PSIP1: variants seen among roughly 807,000 people sequenced by gnomAD.
The protein encoded by PSIP1 is PC4 and SFRS1-interacting protein.
In PSIP1, 19 loss-of-function variants were observed where a neutral mutation model predicts 74.7. The ratio of observed to expected loss-of-function variants is 0.25; its 90% confidence interval spans 0.18 to 0.37. The LOEUF (loss-of-function observed/expected upper bound fraction) is 0.37. Ranked by LOEUF, PSIP1 falls within the 10% of genes least tolerant of loss-of-function variation. The pLI, the probability that PSIP1 is intolerant of heterozygous loss-of-function variation, is 1.00. For missense variants in PSIP1, 601 were observed against 614.3 expected (o/e 0.98, Z 0.23); for synonymous variants, 222 against 195.3 (o/e 1.14, Z -1.14).
At chr9:15,484,899 C>T (rs11792386) in intron 6 of PSIP1, among the ~76,000 whole-genome samples, 8,743 of 121,256 alleles carry the variant, frequency 0.072, 370 homozygotes, top group Middle Eastern at 0.13. Flanking sequence ...GATGACAGAG[C>T]GAGATCCGTC....
chr9:15,496,304 G>T (rs976718780), intron 3 of PSIP1, among the ~76,000 whole-genome samples: 2 of 152,168 alleles, frequency 1.3e-5, no homozygotes, highest in African/African-American at 2.4e-5. Context: ...GCTAAGGACT[G>T]CCTATATATA....
rs2035960023 is a variant in PSIP1, at chr9:15,473,930, AAAAAAAAC to A, written c.858+71_858+78del. Reference sequence around the variant, plus strand: ...AAAAAAAAAACAAAAAAAAAAACAAAAAAAAAACAAAGAAAAAACAAAAAATATATATA... The same window carrying A: ...AAAAAAAAAACAAAAAAAAAAACAAAAAAGAAAAAACAAAAAATATATATA... On this transcript the variant is annotated intron_variant, in intron 9 of 15. Coordinates refer to ENST00000380733, the MANE Select transcript of PSIP1 (RefSeq NM_033222.5). The A allele has an allele frequency of 3.1e-6, 3 of 956,546 alleles. 1 individual carries two copies. The highest frequency in any genetic ancestry group is 1.4e-6 in the Non-Finnish European group (1 of 721,476). 59.3% of individuals were successfully genotyped at this position (956,546 alleles called of 1,614,324 possible).
intron 2 of PSIP1, among the ~76,000 whole-genome samples, chr9:15,509,186 T>C (rs2037735810): frequency 6.6e-6 from 1 of 152,158 alleles, no homozygotes; most frequent in South Asian, 2.1e-4. Flanking sequence ...GACAGTAAAT[T>C]AGTCGAAAAT....
intron 9 of PSIP1, 94 bp downstream of exon 9, chr9:15,473,911 AAAAC>A (rs2035952747): frequency 2.3e-6 from 2 of 865,822 alleles, no homozygotes; most frequent in East Asian, 3.0e-5. Context: ...AAACAAAAAA[AAAAC>A]AAAAAAAAAA....
Position 15,464,965 on chromosome 9 carries a change from A to C in PSIP1, c.*555T>G. On this transcript the variant is annotated 3_prime_UTR_variant, in exon 16 of 16. Transcript: ENST00000380733. ...ATACAGAGCACACATTGTTCCAAAG[A>C]AGCTGGATAATGTAGCACAATGTAG... 4.6e-6 allele frequency: 1 copy of C among 217,214 alleles called. No individual in the cohort carries two copies. Among genetic ancestry groups the C allele is most frequent in the Non-Finnish European group, 9.3e-6 (1 of 107,720 alleles). The allele number at this position is 217,214 out of a possible 1,614,324, so 13.5% of individuals were successfully genotyped here.
intron 8 of PSIP1, among the ~76,000 whole-genome samples, chr9:15,476,168 C>T (rs1414615203): frequency 1.3e-5 from 2 of 152,268 alleles, no homozygotes; most frequent in East Asian, 3.9e-4. Flanking sequence ...TCACACTCAG[C>T]CTACGCACAG....
chr9:15,470,953 A>AC lies in PSIP1; in HGVS notation c.978-961_978-960insG, dbSNP rs1338010480. ...CTTGGTTAAAAAAAAAAAAAAAAAAAAAAAACAGGAATGATGGCCGACCTT... is the reference window on the plus strand; with the variant it reads ...CTTGGTTAAAAAAAAAAAAAAAAAAACAAAAACAGGAATGATGGCCGACCTT... On this transcript the variant is annotated intron_variant, in intron 10 of 15. Transcript: ENST00000380733. 3 of 1,153,090 alleles carry AC rather than the reference A, an allele frequency of 2.6e-6. No homozygotes were observed. The African/African-American group carries it at 4.8e-5, about 18-fold the overall frequency. 71.4% of individuals were successfully genotyped at this position (1,153,090 alleles called of 1,614,324 possible).
chr9:15,505,651 A>T (rs531682740), intron 3 of PSIP1: 2 of 147,110 alleles, frequency 1.4e-5, no homozygotes, highest in East Asian at 5.1e-4. Context: ...TATGATAGTC[A>T]ATATACTAAA....
chr9:15,475,668 T>C (rs1396640797), intron 8 of PSIP1, among the ~76,000 whole-genome samples: 3 of 152,154 alleles, frequency 2.0e-5, no homozygotes, highest in African/African-American at 7.2e-5. Flanking sequence ...TAGGGATTTA[T>C]TTTAAAAATT....
chr9:15,493,861 C>A (rs568696108), intron 3 of PSIP1, among the ~76,000 whole-genome samples: 6 of 152,230 alleles, frequency 3.9e-5, no homozygotes, highest in Admixed American at 3.3e-4. Context: ...TATTACAATT[C>A]GAGGTGTAAT....
intron 10 of PSIP1, chr9:15,471,613 A>G (rs1331360602): frequency 2.1e-6 from 2 of 950,428 alleles, no homozygotes; most frequent in Admixed American, 1.2e-4. Context: ...AAAGTCTAAC[A>G]TTAGAGGGAA....
rs543840478 is a variant in PSIP1, at chr9:15,468,331, C to T, written c.1420+299G>A. On this transcript the variant is annotated intron_variant, in intron 14 of 15. Transcript: ENST00000380733. ...CAGCTGAGCAACCAGGAAGTGGGTA[C>T]TCTAGGGATTAGGAGGCATTGTGAT... 6.7e-6 allele frequency: 4 copies of T among 596,746 alleles called. No individual in the cohort carries two copies. The African/African-American group carries it at 7.3e-5, about 11-fold the overall frequency. The allele number at this position is 596,746 out of a possible 1,614,324, so 37.0% of individuals were successfully genotyped here. A position where few individuals can be genotyped will look rare whatever the true frequency, so the allele number is the denominator to read the frequency against.
intron 3 of PSIP1, among the ~76,000 whole-genome samples, chr9:15,495,001 A>G (rs923665613): frequency 6.6e-6 from 1 of 152,206 alleles, no homozygotes; most frequent in African/African-American, 2.4e-5. Flanking sequence ...AAAACCAGAA[A>G]AACAACAGTA....
intron 3 of PSIP1, among the ~76,000 whole-genome samples, chr9:15,495,100 T>A (rs1359196513): frequency 4.6e-5 from 7 of 152,268 alleles, no homozygotes; most frequent in Admixed American, 1.3e-4. Context: ...AGAAGTTGAA[T>A]CTTAAGCACC....
Position 15,465,451 on chromosome 9 carries a change from C to A in PSIP1, c.*69G>T. ...TATGCTTATAAAAATTTAAAACTTT[C>A]AGCAGTCTATTTCAAATGAAAACCA... is the stretch of plus-strand genomic sequence containing the variant. On this transcript the variant is annotated 3_prime_UTR_variant, in exon 16 of 16. Transcript: ENST00000380733. 2 of 1,339,004 alleles carry A rather than the reference C, an allele frequency of 1.5e-6. No homozygotes were observed. The highest frequency in any genetic ancestry group is 1.0e-6 in the Non-Finnish European group (1 of 961,124). 82.9% of individuals were successfully genotyped at this position (1,339,004 alleles called of 1,614,324 possible).
chr9:15,499,193 C>T (rs985456617), intron 3 of PSIP1, among the ~76,000 whole-genome samples: 3 of 152,122 alleles, frequency 2.0e-5, no homozygotes, highest in Non-Finnish European at 2.9e-5. Flanking sequence ...TTTGGACTTT[C>T]CTTTAACCAT....
intron 3 of PSIP1, among the ~76,000 whole-genome samples, chr9:15,497,775 G>C (rs1348222459): frequency 2.0e-5 from 3 of 151,982 alleles, no homozygotes; most frequent in Non-Finnish European, 4.4e-5. Flanking sequence ...TTTTAATAAA[G>C]CTGTTAAAAT....
chr9:15,468,268 T>C (rs2035713690), intron 14 of PSIP1: 4 of 513,486 alleles, frequency 7.8e-6, no homozygotes, highest in African/African-American at 1.9e-5. Context: ...AAGGCTACTG[T>C]ACGCTATTTT....
chr9:15,494,954 A>G (rs971024368), intron 3 of PSIP1, among the ~76,000 whole-genome samples: 1 of 152,226 alleles, frequency 6.6e-6, no homozygotes, highest in African/African-American at 2.4e-5. Context: ...ATTTCTGGTC[A>G]GAACAAACCC....
Sources: allele counts gnomAD v4.1 joint callset (sites outside exome capture counted in the v4.1 genomes callset), GRCh38; gene constraint gnomAD v4.1.1; transcripts MANE v1.5; gene names NCBI Gene and HGNC (gene_info 2026-07-23, HGNC 2026-07-21).